BCKDHB: variants seen among roughly 807,000 people sequenced by gnomAD.
The protein encoded by BCKDHB is branched chain keto acid dehydrogenase E1 subunit beta, also known as 2-oxoisovalerate dehydrogenase subunit beta, mitochondrial.
BCKDHB carries 41 observed loss-of-function variants against 48.5 expected under a neutral mutation model. The observed-to-expected ratio is 0.85, with a 90% CI of 0.66 to 1.10. The LOEUF (loss-of-function observed/expected upper bound fraction) is 1.10, where lower values mean the gene tolerates loss of function less well. Among genes scored for constraint, BCKDHB ranks in the 50% least tolerant of loss-of-function variants. The probability of loss-of-function intolerance (pLI) is 0.00; values close to 1 mark genes in which losing one functional copy is unlikely to be tolerated. For synonymous variants in BCKDHB, 201 were observed against 174.8 expected, an observed-to-expected ratio of 1.15 and a Z score of -1.18; for missense variants, 496 against 494.2, an observed-to-expected ratio of 1.00 and a Z score of -0.03.
intron 9 of BCKDHB, among the ~76,000 whole-genome samples, chr6:80,332,416 G>A (rs535063104): frequency 3.3e-5 from 5 of 152,262 alleles, no homozygotes; most frequent in African/African-American, 1.2e-4. Context: ...AAATACTCCT[G>A]AAGTTTGTTC....
At chr6:80,149,392 A>G (rs549005250) in intron 3 of BCKDHB, among the ~76,000 whole-genome samples, 2 of 152,348 alleles carry the variant, frequency 1.3e-5, no homozygotes, top group Non-Finnish European at 2.9e-5. Flanking sequence ...TGGTTCAACC[A>G]TTGTGGAAGA....
intron 6 of BCKDHB, among the ~76,000 whole-genome samples, chr6:80,197,777 A>C (rs921663048): frequency 9.2e-5 from 14 of 152,176 alleles, no homozygotes; most frequent in Admixed American, 3.9e-4. Flanking sequence ...CCTGTGTGCT[A>C]TCTTTGGTGC....
the BCKDHB span, among the ~76,000 whole-genome samples, chr6:80,366,831 T>A: frequency 9.3e-4 from 142 of 152,326 alleles, no homozygotes; most frequent in African/African-American, 3.4e-3. Flanking sequence ...TCTCAAAGGT[T>A]ATCAGAAACC....
intron 1 of BCKDHB, among the ~76,000 whole-genome samples, chr6:80,120,422 T>G (rs149424420): frequency 7.5e-4 from 115 of 152,334 alleles, no homozygotes; most frequent in African/African-American, 2.7e-3. Context: ...TTCTAGATCC[T>G]TGAGGAATCT....
intron 8 of BCKDHB, among the ~76,000 whole-genome samples, chr6:80,264,778 C>T (rs759372588): frequency 1.3e-5 from 2 of 152,060 alleles, no homozygotes; most frequent in Non-Finnish European, 2.9e-5. Flanking sequence ...ATATCATATT[C>T]TGAAAAGATT....
intron 8 of BCKDHB, among the ~76,000 whole-genome samples, chr6:80,208,174 A>C (rs1774756295): frequency 6.6e-6 from 1 of 151,844 alleles, no homozygotes; most frequent in African/African-American, 2.4e-5. Context: ...CAAGTGAAAG[A>C]AAAGGACAAC....
chr6:80,129,394 A>G (rs999257637), intron 3 of BCKDHB, among the ~76,000 whole-genome samples, 165 bp downstream of exon 3: 4 of 152,146 alleles, frequency 2.6e-5, no homozygotes, highest in Non-Finnish European at 4.4e-5. Context: ...TATTTTCTCA[A>G]ATGTCTTCTA....
the BCKDHB span, among the ~76,000 whole-genome samples, chr6:80,397,743 A>G: frequency 6.6e-6 from 1 of 152,058 alleles, no homozygotes; most frequent in African/African-American, 2.4e-5. Context: ...TTAGCCAGGC[A>G]TGGTGGCGTG....
the BCKDHB span, among the ~76,000 whole-genome samples, chr6:80,365,507 G>A: frequency 6.6e-6 from 1 of 152,088 alleles, no homozygotes; most frequent in African/African-American, 2.4e-5. Context: ...TTGCGTGTCC[G>A]TTTATAGGCT....
At chr6:80,110,454 C>T (rs1769355055) in intron 1 of BCKDHB, among the ~76,000 whole-genome samples, 2 of 152,196 alleles carry the variant, frequency 1.3e-5, no homozygotes, top group Non-Finnish European at 2.9e-5. Context: ...CTGGAGTATA[C>T]TCCCATTTCT....
At chr6:80,405,376 T>A in the BCKDHB span, among the ~76,000 whole-genome samples, 2 of 152,168 alleles carry the variant, frequency 1.3e-5, no homozygotes, top group Admixed American at 1.3e-4. Flanking sequence ...GGTTTCTATT[T>A]GATTTACTAT....
At chr6:80,203,895 A>G (rs928381446) in intron 8 of BCKDHB, among the ~76,000 whole-genome samples, 16 of 152,054 alleles carry the variant, frequency 1.1e-4, no homozygotes, top group South Asian at 2.1e-4. Context: ...AGAAGCATCT[A>G]TTTTCATATT....
the BCKDHB span, among the ~76,000 whole-genome samples, chr6:80,397,851 C>T: frequency 4.3e-4 from 65 of 152,254 alleles, no homozygotes; most frequent in African/African-American, 1.6e-3. Flanking sequence ...TGCACTCCAA[C>T]CTGGAGACAG....
At chr6:80,291,308 C>T (rs1766900881) in intron 9 of BCKDHB, among the ~76,000 whole-genome samples, 1 of 152,120 alleles carries the variant, frequency 6.6e-6, no homozygotes, top group African/African-American at 2.4e-5. Context: ...CTCTAATTGT[C>T]AGGGTGTCTT....
chr6:80,396,145 T>G, the BCKDHB span, among the ~76,000 whole-genome samples: 62,224 of 151,980 alleles, frequency 0.41, 14,541 homozygotes, highest in Non-Finnish European at 0.54. Flanking sequence ...GGGTATTGAC[T>G]AGTGGAGCTG....
intron 9 of BCKDHB, among the ~76,000 whole-genome samples, chr6:80,305,993 T>A (rs1767854979): frequency 6.6e-6 from 1 of 152,202 alleles, no homozygotes; most frequent in Non-Finnish European, 1.5e-5. Context: ...AATCTTTCTC[T>A]GCTTCAGTTT....
intron 6 of BCKDHB, among the ~76,000 whole-genome samples, chr6:80,197,014 A>G (rs1774161624): frequency 6.6e-6 from 1 of 152,172 alleles, no homozygotes; most frequent in Non-Finnish European, 1.5e-5. Flanking sequence ...CTAAGATTCT[A>G]ATGTAATCAG....
chr6:80,201,042 T>G lies in BCKDHB; in HGVS notation c.840+11T>G, dbSNP rs527448857. On this transcript the variant is annotated intron_variant, in intron 7 of 9. Transcript: ENST00000320393. ...GCCTGGGGCACTCAGGTGAGTAGCA[T>G]TGATCCCAACTGTTAAAACCTACGT... 6.3e-7 allele frequency: 1 copy of G among 1,582,902 alleles called. No homozygotes were observed. Among genetic ancestry groups the G allele is most frequent in the African/African-American group, 1.3e-5 (1 of 74,202 alleles).
intron 9 of BCKDHB, among the ~76,000 whole-genome samples, chr6:80,289,789 GGA>G (rs1766816132): frequency 6.6e-6 from 1 of 152,138 alleles, no homozygotes; most frequent in Admixed American, 6.5e-5. Flanking sequence ...TGGACAGCAT[GGA>G]GCCCAAAAGT....
Sources: allele counts gnomAD v4.1 joint callset (sites outside exome capture counted in the v4.1 genomes callset), GRCh38; gene constraint gnomAD v4.1.1; transcripts MANE v1.5; gene names NCBI Gene and HGNC (gene_info 2026-07-23, HGNC 2026-07-21).